PACS1: variants seen among roughly 807,000 people sequenced by gnomAD.
PACS1 encodes phosphofurin acidic cluster sorting protein 1, also known as PACS-1.
PACS1 carries 24 observed loss-of-function variants against 115.0 expected under a neutral mutation model. The observed-to-expected ratio is 0.21, with a 90% confidence interval of 0.15 to 0.29. PACS1 has a LOEUF of 0.29. Ranked by LOEUF, PACS1 falls within the 10% of genes least tolerant of loss-of-function variation. The pLI, the probability that PACS1 is intolerant of heterozygous loss-of-function variation, is 1.00. For missense variants in PACS1, 838 were observed against 1,251.2 expected, an observed-to-expected ratio of 0.67 and a Z score of 4.98; for synonymous variants, 453 against 504.5, an observed-to-expected ratio of 0.90 and a Z score of 1.37.
At chr11:66,228,382 T>C (rs1855509459) in intron 11 of PACS1, among the ~76,000 whole-genome samples, 1 of 152,104 alleles carries the variant, frequency 6.6e-6, no homozygotes, top group African/African-American at 2.4e-5. Context: ...CTATAGTAAA[T>C]AAGACTACAT....
chr11:66,156,462 C>A (rs1859362826), intron 1 of PACS1, among the ~76,000 whole-genome samples: 1 of 151,504 alleles, frequency 6.6e-6, no homozygotes, highest in African/African-American at 2.4e-5. Flanking sequence ...CCAGGCTGGT[C>A]TTGAACTCCT....
chr11:66,168,593 C>T (rs1052340095), intron 1 of PACS1, among the ~76,000 whole-genome samples: 1 of 150,208 alleles, frequency 6.7e-6, no homozygotes, highest in East Asian at 1.9e-4. Flanking sequence ...GCAAGTCAGC[C>T]TCTCTGTGCC....
chr11:66,208,995 CTG>C (rs1855010065), intron 2 of PACS1, among the ~76,000 whole-genome samples: 1 of 152,004 alleles, frequency 6.6e-6, no homozygotes, highest in Non-Finnish European at 1.5e-5. Context: ...TTATTCAACA[CTG>C]TTTATTTGTG....
chr11:66,222,970 G>A (rs896323455), intron 10 of PACS1, among the ~76,000 whole-genome samples: 3 of 136,686 alleles, frequency 2.2e-5, no homozygotes, highest in African/African-American at 8.4e-5. Context: ...AGAAACCCCA[G>A]CCCTGCCCCT....
In PACS1 at chr11:66,233,754, G is replaced by A; in HGVS notation, c.1839-31G>A. On this transcript the variant is annotated intron_variant, in intron 15 of 23. Coordinates refer to ENST00000320580, the MANE Select transcript of PACS1 (RefSeq NM_018026.4). The surrounding 1 kb of genome is among the most constrained non-coding windows in gnomAD (Gnocchi z 4.5). ...CCGGGCAGGATCCTGGCACCCCTGA[G>A]CACTGCTATGACGCTCCCCTTCCTC... The A allele has an allele frequency of 6.2e-7, 1 of 1,600,488 alleles. No individual in the cohort carries two copies. The highest frequency in any genetic ancestry group is 8.5e-7 in the Non-Finnish European group (1 of 1,172,828).
Position 66,137,027 on chromosome 11 carries a change from C to T in PACS1, c.357-56459C>T, listed in dbSNP as rs571346643. On this transcript the variant is annotated intron_variant, in intron 1 of 23. Transcript: ENST00000320580. ...TTGGATATGAGTCACAAATTGCCCC[C>T]CCCCCCACCATTTCGTCATTTGTCT... Among the ~76,000 whole-genome samples, 3 of 148,260 alleles carry T rather than the reference C, an allele frequency of 2.0e-5. No individual in the cohort carries two copies. In the South Asian group the frequency reaches 6.7e-4, roughly 33 times the overall value.
intron 1 of PACS1, among the ~76,000 whole-genome samples, chr11:66,161,008 C>T (rs535570861): frequency 1.3e-5 from 2 of 152,256 alleles, no homozygotes; most frequent in African/African-American, 4.8e-5. Context: ...TCAGTTTCCT[C>T]ATCTGTAAGA....
At chr11:66,217,364 A>T (rs1855237524) in intron 7 of PACS1, 1 of 335,638 alleles carries the variant, frequency 3.0e-6, no homozygotes, top group African/African-American at 2.2e-5. Context: ...TGAACTAAGA[A>T]GCTAAAAACC....
chr11:66,172,859 C>G (rs1002033698), intron 1 of PACS1, among the ~76,000 whole-genome samples: 1 of 151,596 alleles, frequency 6.6e-6, no homozygotes, highest in African/African-American at 2.4e-5. Context: ...GCCTGTAGTC[C>G]CAGCTACTCA....
At chr11:66,131,745 T>C (rs1274408853) in intron 1 of PACS1, among the ~76,000 whole-genome samples, 2 of 151,992 alleles carry the variant, frequency 1.3e-5, no homozygotes, top group Non-Finnish European at 1.5e-5. Flanking sequence ...CTGGGCAACA[T>C]AGCAAGACTC....
At chr11:66,155,586 A>G (rs1326117321) in intron 1 of PACS1, among the ~76,000 whole-genome samples, 1 of 152,166 alleles carries the variant, frequency 6.6e-6, no homozygotes, top group Non-Finnish European at 1.5e-5. Context: ...TAAGAGACTG[A>G]TAGCTCCAGG....
At chr11:66,188,159 ATTTT>A (rs71461607) in intron 1 of PACS1, among the ~76,000 whole-genome samples, 2 of 94,890 alleles carry the variant, frequency 2.1e-5, no homozygotes, top group Non-Finnish European at 2.2e-5. Flanking sequence ...TTTTAATCGG[ATTTT>A]TTTTTTTTTT....
At chr11:66,187,993 G>C (rs1010250218) in intron 1 of PACS1, among the ~76,000 whole-genome samples, 1 of 152,014 alleles carries the variant, frequency 6.6e-6, no homozygotes, top group African/African-American at 2.4e-5. Flanking sequence ...TTGTCTTTTT[G>C]ATAGTAGCCA....
At chr11:66,158,653 ACC>A (rs1859416901) in intron 1 of PACS1, among the ~76,000 whole-genome samples, 1 of 152,186 alleles carries the variant, frequency 6.6e-6, no homozygotes, top group Non-Finnish European at 1.5e-5. Flanking sequence ...GTGAGCTATG[ACC>A]ACACCACCAC....
intron 10 of PACS1, among the ~76,000 whole-genome samples, chr11:66,224,718 G>A (rs998405774): frequency 6.6e-6 from 1 of 152,054 alleles, no homozygotes; most frequent in African/African-American, 2.4e-5. Flanking sequence ...GGAATCCTTT[G>A]GTATGAAAGG....
intron 1 of PACS1, chr11:66,084,059 A>G (rs1857527899): frequency 6.6e-6 from 1 of 152,464 alleles, no homozygotes; most frequent in South Asian, 2.1e-4. Flanking sequence ...CCTTCTGGGG[A>G]CAGGGTGGGC....
intron 1 of PACS1, among the ~76,000 whole-genome samples, chr11:66,087,239 T>G (rs1315016525): frequency 6.6e-6 from 1 of 151,436 alleles, no homozygotes; most frequent in African/African-American, 2.4e-5. Flanking sequence ...CACTTGTTTT[T>G]TTTTTTTGTT....
rs146751521 is a variant in PACS1, at chr11:66,233,603, T to G, written c.1839-182T>G. On this transcript the variant is annotated intron_variant, in intron 15 of 23. Coordinates refer to ENST00000320580, the MANE Select transcript of PACS1 (RefSeq NM_018026.4). The surrounding 1 kb of genome is among the most constrained non-coding windows in gnomAD (Gnocchi z 4.5). ...TGGGCAATGCCCTCTGACCCTGGAT[T>G]TTTCTCTTGGTTGTGAAAGCACTGT... Among the ~76,000 whole-genome samples, 1 of 152,330 alleles carries G rather than the reference T, an allele frequency of 6.6e-6. No homozygotes were observed. Among genetic ancestry groups the G allele is most frequent in the East Asian group, 1.9e-4 (1 of 5,180 alleles).
At chr11:66,099,641 G>T (rs1857868598) in intron 1 of PACS1, among the ~76,000 whole-genome samples, 1 of 151,638 alleles carries the variant, frequency 6.6e-6, no homozygotes, top group Non-Finnish European at 1.5e-5. Context: ...CGCCTCCTGG[G>T]CTCAAGTCAT....
Sources: allele counts gnomAD v4.1 joint callset (sites outside exome capture counted in the v4.1 genomes callset), GRCh38; gene constraint gnomAD v4.1.1; non-coding constraint Gnocchi (gnomAD v3.1); transcripts MANE v1.5; gene names NCBI Gene and HGNC (gene_info 2026-07-23, HGNC 2026-07-21).